Variants in TENM2 observed in about 807,000 individuals in gnomAD.
The protein encoded by TENM2 is teneurin transmembrane protein 2.
In TENM2, 52 loss-of-function variants were observed where a neutral mutation model predicts 245.2. That is an observed-to-expected ratio of 0.21 (90% confidence interval 0.17 to 0.27). TENM2 has a LOEUF of 0.27. Ranked by LOEUF, TENM2 falls within the 10% of genes least tolerant of loss-of-function variation. The pLI, the probability that TENM2 is intolerant of heterozygous loss-of-function variation, is 1.00. For synonymous variants in TENM2, 1,363 were observed against 1,438.9 expected (o/e 0.95, Z 1.19); for missense variants, 3,046 against 3,666.8 (o/e 0.83, Z 4.37).
chr5:168,085,250 G>A (rs1792348571), intron 7 of TENM2: 1 of 152,218 alleles, frequency 6.6e-6, no homozygotes, highest in Non-Finnish European at 1.5e-5. Flanking sequence ...TTTTGCTGCT[G>A]CTGCAAGAGG....
intron 5 of TENM2, among the ~76,000 whole-genome samples, chr5:168,006,730 G>A (rs1042544849): frequency 3.3e-5 from 5 of 152,116 alleles, no homozygotes; most frequent in African/African-American, 1.2e-4. Flanking sequence ...TTCTGCCTGC[G>A]GTCGTATTAA....
chr5:167,804,456 G>T (rs1360387152), intron 2 of TENM2, among the ~76,000 whole-genome samples: 3 of 152,080 alleles, frequency 2.0e-5, no homozygotes, highest in Non-Finnish European at 2.9e-5. Flanking sequence ...TCCTAAACTA[G>T]TTATTAAGCC....
At chr5:167,376,251 T>A (rs185723082) in intron 2 of TENM2, among the ~76,000 whole-genome samples, 2 of 152,212 alleles carry the variant, frequency 1.3e-5, no homozygotes, top group African/African-American at 4.8e-5. Flanking sequence ...TCAAAAACAT[T>A]TTTTTAAAAA....
intron 3 of TENM2, among the ~76,000 whole-genome samples, chr5:167,877,397 C>CA (rs1207627603): frequency 6.6e-6 from 1 of 151,992 alleles, no homozygotes; most frequent in East Asian, 1.9e-4. Context: ...TATTCTTTTT[C>CA]AAAAAAAATT....
chr5:167,100,158 T>C, the TENM2 span, among the ~76,000 whole-genome samples: 1 of 152,314 alleles, frequency 6.6e-6, no homozygotes, highest in African/African-American at 2.4e-5. Flanking sequence ...TCGGCCAAGT[T>C]CTCACACTGC....
intron 2 of TENM2, among the ~76,000 whole-genome samples, chr5:167,409,664 A>G (rs972597406): frequency 6.6e-6 from 1 of 152,044 alleles, no homozygotes; most frequent in Non-Finnish European, 1.5e-5. Context: ...TTTGTTAAAT[A>G]ATAAAAAATT....
chr5:167,948,875 G>T (rs1779853612), intron 3 of TENM2: 1 of 152,182 alleles, frequency 6.6e-6, no homozygotes. Flanking sequence ...ATAGTAAGTT[G>T]AAGACATCAG....
intron 12 of TENM2, among the ~76,000 whole-genome samples, chr5:168,130,609 G>A (rs1338990744): frequency 1.3e-5 from 2 of 152,116 alleles, no homozygotes; most frequent in Admixed American, 6.5e-5. Flanking sequence ...GTTAATACTG[G>A]GACCTAGGCC....
At chr5:167,506,911 TTAAA>T (rs1262533063) in intron 2 of TENM2, among the ~76,000 whole-genome samples, 1 of 152,228 alleles carries the variant, frequency 6.6e-6, no homozygotes, top group Non-Finnish European at 1.5e-5. Flanking sequence ...TGTGTCTAAA[TTAAA>T]TAAATCAATT....
chr5:167,990,408 C>T (rs566311758), intron 4 of TENM2, among the ~76,000 whole-genome samples: 22 of 152,298 alleles, frequency 1.4e-4, no homozygotes, highest in Admixed American at 2.6e-4. Context: ...TCTTTTGCTA[C>T]GTAATCCTGC....
chr5:166,983,224 A>G, the TENM2 span, among the ~76,000 whole-genome samples: 6 of 152,238 alleles, frequency 3.9e-5, no homozygotes, highest in South Asian at 2.1e-4. Flanking sequence ...CCTAAAATTA[A>G]TGTTACTCAT....
chr5:167,144,893 A>G, the TENM2 span, among the ~76,000 whole-genome samples: 1 of 152,216 alleles, frequency 6.6e-6, no homozygotes, highest in East Asian at 1.9e-4. Context: ...AGATGAGTCT[A>G]TGGGGCTAAA....
intron 2 of TENM2, among the ~76,000 whole-genome samples, chr5:167,679,604 A>G (rs894680995): frequency 6.6e-6 from 1 of 152,124 alleles, no homozygotes; most frequent in African/African-American, 2.4e-5. Context: ...GCAAATCTTT[A>G]TTTTTAAAAA....
At chr5:168,216,848 T>A in exon 22 of TENM2, 2 of 1,613,990 alleles carry the variant, frequency 1.2e-6, no homozygotes, top group Non-Finnish European at 1.7e-6. Flanking sequence ...TGGAATCATC[T>A]CCACCCTGCT....
chr5:167,808,699 G>GTTGTT (rs775045274), intron 2 of TENM2, among the ~76,000 whole-genome samples: 1 of 152,060 alleles, frequency 6.6e-6, no homozygotes, highest in African/African-American at 2.4e-5. Context: ...GTTATTTTGG[G>GTTGTT]TTGTTTTGTT....
intron 2 of TENM2, among the ~76,000 whole-genome samples, chr5:167,575,386 T>C (rs1774577340): frequency 6.6e-6 from 1 of 152,194 alleles, no homozygotes; most frequent in South Asian, 2.1e-4. Context: ...TATGGCATTG[T>C]TGATTTCAGC....
chr5:168,127,352 C>G (rs1795931126), intron 12 of TENM2, among the ~76,000 whole-genome samples: 1 of 152,166 alleles, frequency 6.6e-6, no homozygotes, highest in Non-Finnish European at 1.5e-5. Context: ...TTGCTGGCAA[C>G]AAGGTGAACT....
chr5:167,956,623 CTT>C (rs1293508523), intron 4 of TENM2, among the ~76,000 whole-genome samples: 2 of 152,002 alleles, frequency 1.3e-5, no homozygotes, highest in African/African-American at 2.4e-5. Context: ...ATAAATAACT[CTT>C]ATTATTTTGA....
intron 2 of TENM2, among the ~76,000 whole-genome samples, chr5:167,488,192 C>T (rs1305805406): frequency 1.3e-5 from 2 of 152,162 alleles, no homozygotes; most frequent in Non-Finnish European, 2.9e-5. Context: ...GTGTGTACTG[C>T]TCTATTGCAT....
Sources: gnomAD v4.1 joint callset for allele counts (sites outside exome capture counted in the v4.1 genomes callset) on GRCh38, gnomAD v4.1.1 for gene constraint, MANE v1.5 for transcripts, NCBI Gene and HGNC (gene_info 2026-07-23, HGNC 2026-07-21) for gene names.